The following RBFOX1 variants were observed in gnomAD, a reference collection of about 807,000 sequenced individuals.
RBFOX1 encodes RNA binding fox-1 homolog 1, also known as RNA binding protein fox-1 homolog 1.
RBFOX1 carries 8 observed loss-of-function variants against 57.7 expected under a neutral mutation model. The observed-to-expected ratio is 0.14, with a 90% CI of 0.08 to 0.25. The LOEUF (loss-of-function observed/expected upper bound fraction) is 0.25. RBFOX1 is among the 10% of genes least tolerant of loss of function. RBFOX1 has a pLI of 1.00. For synonymous variants in RBFOX1, 326 were observed against 222.4 expected (o/e 1.47, Z -4.15); for missense variants, 611 against 548.5 (o/e 1.11, Z -1.14).
chr16:6,742,683 C>T (rs1454574112), intron 3 of RBFOX1, among the ~76,000 whole-genome samples: 1 of 152,154 alleles, frequency 6.6e-6, no homozygotes, highest in African/African-American at 2.4e-5. Flanking sequence ...ATATACACAA[C>T]ACCTGTGATG....
At chr16:6,702,413 G>A (rs2061993947) in intron 3 of RBFOX1, among the ~76,000 whole-genome samples, 1 of 152,286 alleles carries the variant, frequency 6.6e-6, no homozygotes, top group African/African-American at 2.4e-5. Context: ...AATCTGCCTG[G>A]CGTGCTGGCA....
chr16:6,008,650 G>T (rs1294187197), intron 4 of RBFOX1, among the ~76,000 whole-genome samples: 1 of 152,174 alleles, frequency 6.6e-6, no homozygotes, highest in Non-Finnish European at 1.5e-5. Context: ...ATGGAGCAGA[G>T]GGAAGGGTTA....
intron 4 of RBFOX1, among the ~76,000 whole-genome samples, chr16:5,878,799 A>G (rs1218832630): frequency 1.3e-5 from 2 of 152,330 alleles, no homozygotes; most frequent in East Asian, 1.9e-4. Context: ...GGTAAACTAA[A>G]AAAACTAAAA....
At chr16:5,604,666 G>A (rs1026720003), downstream of RBFOX1, among the ~76,000 whole-genome samples, 4 of 152,132 alleles carry the variant, frequency 2.6e-5, no homozygotes, top group East Asian at 1.9e-4. Flanking sequence ...TCATGGGGCC[G>A]CACTGAGGTC....
chr16:7,620,738 T>G (rs1487627841), intron 10 of RBFOX1, among the ~76,000 whole-genome samples: 1 of 152,198 alleles, frequency 6.6e-6, no homozygotes, highest in African/African-American at 2.4e-5. Flanking sequence ...CAGGACCAAG[T>G]ATCACCATTG....
At chr16:6,547,016 G>A (rs905766004) in intron 2 of RBFOX1, among the ~76,000 whole-genome samples, 1 of 152,184 alleles carries the variant, frequency 6.6e-6, no homozygotes, top group Non-Finnish European at 1.5e-5. Context: ...GCCAGGAGAG[G>A]CAGATTTTTA....
In RBFOX1 at chr16:5,674,943, T is replaced by C. The variant is rs576864715; in HGVS notation, c.318+75982T>C. 2.0e-3 allele frequency among the ~76,000 whole-genome samples: 310 copies of C among 152,216 alleles called. 1 individual carries two copies. The highest frequency in any genetic ancestry group is 7.3e-3 in the African/African-American group (302 of 41,530). On this transcript the variant is annotated intron_variant, in intron 3 of 19. Coordinates refer to the RBFOX1 transcript ENST00000641259. ...AGGAGGATTGCTCGATCCCAGGAGT[T>C]TGAAACCAGCCTGGACAACACAGCA... is the stretch of plus-strand genomic sequence containing the variant.
At chr16:6,415,640 G>A (rs772021871) in intron 2 of RBFOX1, among the ~76,000 whole-genome samples, 1 of 152,124 alleles carries the variant, frequency 6.6e-6, no homozygotes, top group Non-Finnish European at 1.5e-5. Context: ...GATGGAGGTT[G>A]CAGTGAGCTG....
At chr16:6,148,918 C>A (rs1219090454) in intron 1 of RBFOX1, among the ~76,000 whole-genome samples, 2 of 151,944 alleles carry the variant, frequency 1.3e-5, no homozygotes, top group Admixed American at 6.6e-5. Context: ...GATTCATGTG[C>A]CTTGAAATTT....
At chr16:7,610,493 C>T (rs1464809053) in intron 10 of RBFOX1, among the ~76,000 whole-genome samples, 2 of 152,014 alleles carry the variant, frequency 1.3e-5, no homozygotes, top group African/African-American at 4.8e-5. Context: ...CATAATCATT[C>T]TGTATGATTC....
chr16:6,068,774 A>T (rs916062393), intron 1 of RBFOX1, among the ~76,000 whole-genome samples: 2 of 152,314 alleles, frequency 1.3e-5, no homozygotes, highest in Admixed American at 1.3e-4. Flanking sequence ...AAGCTGTATA[A>T]GCTCTGGAAA....
intron 8 of RBFOX1, 45 bp from the exon 9 acceptor site, chr16:7,597,326 G>C (rs2152957967): frequency 1.4e-6 from 2 of 1,425,686 alleles, no homozygotes; most frequent in Non-Finnish European, 1.9e-6. Context: ...TGAATTGGGA[G>C]CTGGCCCTAG....
At chr16:6,863,670 T>TAAAAA (rs71408411) in intron 3 of RBFOX1, among the ~76,000 whole-genome samples, 1 of 105,528 alleles carries the variant, frequency 9.5e-6, no homozygotes, top group Non-Finnish European at 1.8e-5. Flanking sequence ...TTTTTTTCCT[T>TAAAAA]AAAAAAAAAA....
intron 3 of RBFOX1, among the ~76,000 whole-genome samples, chr16:6,829,606 TC>T (rs1163249955): frequency 6.6e-6 from 1 of 152,140 alleles, no homozygotes; most frequent in African/African-American, 2.4e-5. Flanking sequence ...TTTTCTTTTT[TC>T]TTTTGTTTTT....
chr16:6,904,034 A>C (rs996088283), intron 3 of RBFOX1, among the ~76,000 whole-genome samples: 21 of 152,146 alleles, frequency 1.4e-4, no homozygotes, highest in African/African-American at 5.1e-4. Context: ...CCCCCACCTG[A>C]GGTCATACAG....
intron 9 of RBFOX1, 112 bp downstream of exon 9, chr16:7,597,543 G>A: frequency 1.1e-6 from 1 of 913,286 alleles, no homozygotes; most frequent in Non-Finnish European, 1.6e-6. Context: ...TTGACACTGT[G>A]TTTTTACTAC....
intron 5 of RBFOX1, among the ~76,000 whole-genome samples, chr16:7,528,761 G>T (rs1407248235): frequency 6.6e-6 from 1 of 152,180 alleles, no homozygotes; most frequent in Non-Finnish European, 1.5e-5. Context: ...TGGTCATATA[G>T]TCTTTAGGTG....
chr16:5,336,271 C>T (rs538067819), intron 1 of RBFOX1, among the ~76,000 whole-genome samples: 1 of 152,284 alleles, frequency 6.6e-6, no homozygotes, highest in South Asian at 2.1e-4. Context: ...GAGGCTGGTT[C>T]ATTTCCTGGG....
chr16:5,847,418 A>G (rs2056785098), intron 3 of RBFOX1, among the ~76,000 whole-genome samples: 1 of 152,096 alleles, frequency 6.6e-6, no homozygotes, highest in African/African-American at 2.4e-5. Context: ...AAGGATTAAA[A>G]TGTGTGCACA....
Sources: allele counts gnomAD v4.1 joint callset (sites outside exome capture counted in the v4.1 genomes callset), GRCh38; gene constraint gnomAD v4.1.1; transcripts MANE v1.5; gene names NCBI Gene and HGNC (gene_info 2026-07-23, HGNC 2026-07-21).